Variants in ST7L observed in about 807,000 individuals in gnomAD.
ST7L encodes suppressor of tumorigenicity 7 protein-like.
In ST7L, 57 loss-of-function variants were observed where a neutral mutation model predicts 72.5. That is an observed-to-expected ratio of 0.79 (90% CI 0.64 to 0.98). The LOEUF is 0.98. Among genes scored for constraint, ST7L ranks in the 50% least tolerant of loss-of-function variants. ST7L has a pLI of 0.00. For missense variants in ST7L, 576 were observed against 672.2 expected, an observed-to-expected ratio of 0.86 and a Z score of 1.58; for synonymous variants, 221 against 240.9, an observed-to-expected ratio of 0.92 and a Z score of 0.77.
intron 1 of ST7L, chr1:112,618,362 A>G (rs1670273727): frequency 1.4e-6 from 1 of 701,448 alleles, no homozygotes. Flanking sequence ...TTATTACTCA[A>G]GATAAGCCTA....
At chr1:112,535,003 A>G (rs1654951360) in intron 14 of ST7L, among the ~76,000 whole-genome samples, 1 of 152,192 alleles carries the variant, frequency 6.6e-6, no homozygotes, top group South Asian at 2.1e-4. Flanking sequence ...GCACATGTTA[A>G]TGGGAAAAAA....
rs1557989059 is a variant in ST7L, at chr1:112,566,291, C to CTTTTTTTTTTTT, written c.1246-10274_1246-10273insAAAAAAAAAAAA. On this transcript the variant is annotated intron_variant, in intron 11 of 14. Coordinates refer to ENST00000358039, the MANE Select transcript of ST7L (RefSeq NM_017744.5). ...ATATTTTCTTTTATTTCTTTTTCTT[C>CTTTTTTTTTTTT]TTCTTCTTTTTTTTTTTTTTTTTTG... 1.8e-5 allele frequency among the ~76,000 whole-genome samples: 2 copies of CTTTTTTTTTTTT among 110,234 alleles called. 1 individual carries two copies. The highest frequency in any genetic ancestry group is 1.8e-4 in the Admixed American group (2 of 10,910). The allele number at this position is 110,234 out of a possible 152,430, so 72.3% of individuals were successfully genotyped here. A position where few individuals can be genotyped will look rare whatever the true frequency, so the allele number is the denominator to read the frequency against.
At chr1:112,535,570 A>G (rs1035029053) in intron 14 of ST7L, among the ~76,000 whole-genome samples, 1 of 151,308 alleles carries the variant, frequency 6.6e-6, no homozygotes, top group African/African-American at 2.4e-5. Flanking sequence ...TCTCTATAAC[A>G]AATTTTTAAA....
downstream of ST7L, chr1:112,522,654 G>A (rs1360127159): frequency 2.6e-5 from 4 of 152,246 alleles, no homozygotes; most frequent in East Asian, 7.7e-4. Flanking sequence ...ACTAATATTT[G>A]TGTAACCTGC....
At chr1:112,540,540 A>G in intron 14 of ST7L, 2 of 985,452 alleles carry the variant, frequency 2.0e-6, no homozygotes, top group Non-Finnish European at 2.4e-6. Context: ...TTCTTCTTGA[A>G]GTTTGACCCA....
At chr1:112,570,157 T>C (rs1661829935) in intron 11 of ST7L, among the ~76,000 whole-genome samples, 1 of 151,954 alleles carries the variant, frequency 6.6e-6, no homozygotes, top group African/African-American at 2.4e-5. Context: ...AAAAAAAAAG[T>C]TCACTGAATC....
At chr1:112,561,304 T>C (rs1660084650) in intron 11 of ST7L, among the ~76,000 whole-genome samples, 1 of 146,558 alleles carries the variant, frequency 6.8e-6, no homozygotes, top group Non-Finnish European at 1.5e-5. Flanking sequence ...TGGTGGTACA[T>C]GCCTGTAGTC....
At chr1:112,526,399 A>G in intron 14 of ST7L, 1 of 298,090 alleles carries the variant, frequency 3.4e-6, no homozygotes, top group Non-Finnish European at 6.4e-6. Flanking sequence ...CTAAATGTAT[A>G]GACACAGTAG....
chr1:112,596,778 C>T (rs1666545212), intron 5 of ST7L, among the ~76,000 whole-genome samples: 1 of 152,094 alleles, frequency 6.6e-6, no homozygotes, highest in South Asian at 2.1e-4. Context: ...GCTGGGATTA[C>T]AGGCACCCAC....
intron 1 of ST7L, chr1:112,618,298 G>A (rs1042767950): frequency 5.9e-6 from 6 of 1,023,950 alleles, no homozygotes; most frequent in African/African-American, 3.4e-5. Context: ...TACAGACGTC[G>A]AAAGAACTAG....
At chr1:112,573,187 G>A (rs1402285534) in intron 11 of ST7L, among the ~76,000 whole-genome samples, 2 of 151,466 alleles carry the variant, frequency 1.3e-5, no homozygotes, top group Non-Finnish European at 2.9e-5. Flanking sequence ...CATCTCAACC[G>A]AAAATACAAA....
intron 11 of ST7L, among the ~76,000 whole-genome samples, chr1:112,574,345 T>C (rs1479219571): frequency 6.7e-6 from 1 of 149,450 alleles, no homozygotes. Context: ...GCCTCTCGAA[T>C]AGCTGAAGAG....
chr1:112,599,135 C>T (rs1480540000), intron 4 of ST7L, among the ~76,000 whole-genome samples: 9 of 82,952 alleles, frequency 1.1e-4, no homozygotes, highest in African/African-American at 3.3e-4. Context: ...TATACACACA[C>T]ACACACACAC....
chr1:112,579,257 G>A (rs1050800052), intron 9 of ST7L, among the ~76,000 whole-genome samples: 6 of 151,792 alleles, frequency 4.0e-5, no homozygotes, highest in African/African-American at 1.2e-4. Context: ...GATGGCAGGT[G>A]CCTGTAATCC....
chr1:112,572,502 G>A (rs7553721), intron 11 of ST7L, among the ~76,000 whole-genome samples: 3,071 of 152,254 alleles, frequency 0.02, 105 homozygotes, highest in African/African-American at 0.069. Flanking sequence ...AAAAAAATTT[G>A]AAGAAAATCT....
At chr1:112,616,316 A>G (rs1311849764) in intron 2 of ST7L, among the ~76,000 whole-genome samples, 4 of 152,212 alleles carry the variant, frequency 2.6e-5, no homozygotes, top group Non-Finnish European at 4.4e-5. Flanking sequence ...AAATACTGTC[A>G]ATCTCTTAAA....
chr1:112,584,574 G>C (rs947200009), intron 6 of ST7L, among the ~76,000 whole-genome samples: 3 of 151,992 alleles, frequency 2.0e-5, no homozygotes, highest in African/African-American at 7.2e-5. Flanking sequence ...TGAAACCTGG[G>C]CCTCCTGGGT....
At chr1:112,549,018 T>TGC (rs1481118363) in intron 13 of ST7L, among the ~76,000 whole-genome samples, 2 of 152,082 alleles carry the variant, frequency 1.3e-5, no homozygotes, top group East Asian at 3.9e-4. Flanking sequence ...TGTGTGTGTG[T>TGC]GTGTGTGTGA....
At chr1:112,619,628 T>A (rs115858905), upstream of ST7L, 782 of 573,222 alleles carry the variant, frequency 1.4e-3, 9 homozygotes, top group African/African-American at 0.014. Flanking sequence ...GGGAAAGATA[T>A]TAGACTTCAA....
Sources: allele counts gnomAD v4.1 joint callset (sites outside exome capture counted in the v4.1 genomes callset), GRCh38; gene constraint gnomAD v4.1.1; transcripts MANE v1.5; gene names NCBI Gene and HGNC (gene_info 2026-07-23, HGNC 2026-07-21).